Variants in RGS8 observed in about 807,000 individuals in gnomAD.
The protein encoded by RGS8 is regulator of G-protein signaling 8.
A neutral mutation model predicts 21.7 loss-of-function variants in RGS8; 8 were observed. The observed-to-expected ratio is 0.37, with a 90% CI of 0.22 to 0.66. The LOEUF (loss-of-function observed/expected upper bound fraction) is 0.66, where lower values mean the gene tolerates loss of function less well. Ranked by LOEUF, RGS8 falls within the 30% of genes least tolerant of loss-of-function variation. The probability of loss-of-function intolerance (pLI) is 0.59; values close to 1 mark genes in which losing one functional copy is unlikely to be tolerated. For missense variants in RGS8, 157 were observed against 217.9 expected (o/e 0.72, Z 1.76); for synonymous variants, 80 against 83.6 (o/e 0.96, Z 0.24).
At chr1:182,746,997 A>G in the RGS8 span, among the ~76,000 whole-genome samples, 5 of 134,754 alleles carry the variant, frequency 3.7e-5, no homozygotes, top group African/African-American at 5.6e-5. Context: ...TCCTGTTTCA[A>G]CCTCCCAAGT....
upstream of RGS8, among the ~76,000 whole-genome samples, chr1:182,688,867 C>A (rs1664761252): frequency 1.3e-5 from 2 of 152,112 alleles, no homozygotes; most frequent in South Asian, 4.1e-4. Context: ...GCACAACAAC[C>A]CAAATGAGCG....
At chr1:182,672,693 C>A, upstream of RGS8, 1 of 1,114,064 alleles carries the variant, frequency 9.0e-7, no homozygotes, top group South Asian at 1.3e-5. Context: ...CCTCATCCAT[C>A]ACCTAGCAAC....
chr1:182,700,920 A>C, the RGS8 span, among the ~76,000 whole-genome samples: 1 of 152,252 alleles, frequency 6.6e-6, no homozygotes, highest in Non-Finnish European at 1.5e-5. Flanking sequence ...ACTGGGATTC[A>C]AGTGCAAGTT....
the RGS8 span, among the ~76,000 whole-genome samples, chr1:182,746,351 G>T: frequency 6.6e-6 from 1 of 152,160 alleles, no homozygotes; most frequent in Admixed American, 6.5e-5. Flanking sequence ...CAATATATAT[G>T]ATGATGTCAA....
chr1:182,725,338 A>T, the RGS8 span, among the ~76,000 whole-genome samples: 1 of 152,194 alleles, frequency 6.6e-6, no homozygotes, highest in African/African-American at 2.4e-5. Context: ...CCCTAAATAT[A>T]ACAGATGCTC....
At chr1:182,742,028 G>C in the RGS8 span, among the ~76,000 whole-genome samples, 12 of 148,698 alleles carry the variant, frequency 8.1e-5, no homozygotes, top group African/African-American at 3.0e-4. Flanking sequence ...TCTCAGACGG[G>C]GCGTCCGGGC....
the RGS8 span, among the ~76,000 whole-genome samples, chr1:182,709,368 A>T: frequency 3.4e-3 from 511 of 151,468 alleles, 3 homozygotes; most frequent in African/African-American, 7.9e-3. Context: ...TCTCTCTCTC[A>T]CACACACACA....
intron 3 of RGS8, among the ~76,000 whole-genome samples, chr1:182,668,245 C>T (rs1663972111): frequency 6.6e-6 from 1 of 152,090 alleles, no homozygotes; most frequent in Admixed American, 6.5e-5. Context: ...GTGTTGAGGG[C>T]AAAGGTAAGT....
chr1:182,667,095 G>A, intron 3 of RGS8, 122 bp from the exon 5 acceptor site: 1 of 756,554 alleles, frequency 1.3e-6, no homozygotes, highest in Non-Finnish European at 2.3e-6. Flanking sequence ...TCCCCAGGTG[G>A]TCTCTGAAGA....
upstream of RGS8, among the ~76,000 whole-genome samples, chr1:182,675,585 G>A (rs80280845): frequency 4.3e-3 from 655 of 152,148 alleles, 3 homozygotes; most frequent in African/African-American, 0.015. Context: ...GCCTATCCAG[G>A]TTTTCTATCC....
chr1:182,731,419 A>G, the RGS8 span, among the ~76,000 whole-genome samples: 1 of 152,212 alleles, frequency 6.6e-6, no homozygotes, highest in African/African-American at 2.4e-5. Flanking sequence ...TTTGTCACCC[A>G]TCTATGCCCA....
downstream of RGS8, chr1:182,644,859 G>C (rs989972445): frequency 1.3e-5 from 2 of 152,050 alleles, no homozygotes; most frequent in Admixed American, 6.5e-5. Flanking sequence ...GATCTAACTA[G>C]GAACACCCAT....
the RGS8 span, among the ~76,000 whole-genome samples, chr1:182,703,168 T>G: frequency 6.6e-6 from 1 of 152,192 alleles, no homozygotes; most frequent in African/African-American, 2.4e-5. Flanking sequence ...TTTGCAAAGA[T>G]TCCTTACCCT....
chr1:182,751,640 A>G, the RGS8 span, among the ~76,000 whole-genome samples: 1 of 152,110 alleles, frequency 6.6e-6, no homozygotes, highest in African/African-American at 2.4e-5. Flanking sequence ...CTTAAGATCA[A>G]TGATTTTTGC....
chr1:182,727,959 T>A, the RGS8 span, among the ~76,000 whole-genome samples: 6 of 152,242 alleles, frequency 3.9e-5, no homozygotes, highest in African/African-American at 7.2e-5. Context: ...AGGGATTTTT[T>A]AATTCCAAGT....
intron 3 of RGS8, 31 bp from the exon 5 acceptor site, chr1:182,667,004 GA>G: frequency 6.4e-7 from 1 of 1,556,236 alleles, no homozygotes; most frequent in Non-Finnish European, 8.9e-7. Context: ...GAAGGACGGG[GA>G]AACTCTCATG....
At chr1:182,658,347 T>G (rs1663387256) in intron 5 of RGS8, 4 of 152,186 alleles carry the variant, frequency 2.6e-5, no homozygotes, top group Admixed American at 6.5e-5. Flanking sequence ...GGCATCAGGG[T>G]GGGCTTGAGC....
At chr1:182,673,756 C>T (rs936249670), upstream of RGS8, among the ~76,000 whole-genome samples, 2 of 152,204 alleles carry the variant, frequency 1.3e-5, no homozygotes, top group Non-Finnish European at 2.9e-5. Context: ...GAGAACCCTT[C>T]ATTTCTGGAC....
chr1:182,704,033 T>A, the RGS8 span, among the ~76,000 whole-genome samples: 4 of 152,220 alleles, frequency 2.6e-5, no homozygotes, highest in Non-Finnish European at 5.9e-5. Context: ...GACTTTACAT[T>A]TATGCAATAA....
Sources: gnomAD v4.1 joint callset for allele counts (sites outside exome capture counted in the v4.1 genomes callset) on GRCh38, gnomAD v4.1.1 for gene constraint, MANE v1.5 for transcripts, NCBI Gene and HGNC (gene_info 2026-07-23, HGNC 2026-07-21) for gene names.